Variants in XPR1 observed in about 807,000 individuals in gnomAD.
XPR1 encodes the protein xenotropic and polytropic retrovirus receptor 1, also known as solute carrier family 53 member 1.
XPR1 carries 28 observed loss-of-function variants against 87.5 expected under a neutral mutation model. The ratio of observed to expected loss-of-function variants is 0.32; its 90% CI spans 0.24 to 0.44. XPR1 has a LOEUF of 0.44. XPR1 is among the 20% of genes least tolerant of loss of function. XPR1 has a pLI of 1.00. For synonymous variants in XPR1, 300 were observed against 306.1 expected (o/e 0.98, Z 0.21); for missense variants, 559 against 862.3 (o/e 0.65, Z 4.41).
intron 2 of XPR1, among the ~76,000 whole-genome samples, chr1:180,732,699 G>T (rs1302737844): frequency 6.6e-6 from 1 of 152,224 alleles, no homozygotes; most frequent in Non-Finnish European, 1.5e-5. Flanking sequence ...TGAAGCCCCA[G>T]TGGGCATGTG....
At chr1:180,688,699 C>T (rs967241536) in intron 2 of XPR1, among the ~76,000 whole-genome samples, 2 of 152,048 alleles carry the variant, frequency 1.3e-5, no homozygotes, top group Admixed American at 6.6e-5. Context: ...ACATATAGTA[C>T]CCGTTTGACA....
At chr1:180,811,115 C>T (rs188117196) in intron 6 of XPR1, among the ~76,000 whole-genome samples, 36 of 152,054 alleles carry the variant, frequency 2.4e-4, no homozygotes, top group African/African-American at 5.8e-4. Flanking sequence ...TTTCAATACA[C>T]GGTTGATTCC....
At chr1:180,809,356 T>C (rs899333625) in intron 6 of XPR1, among the ~76,000 whole-genome samples, 1 of 152,186 alleles carries the variant, frequency 6.6e-6, no homozygotes, top group African/African-American at 2.4e-5. Context: ...GATGGTTTTG[T>C]AGACGTTTAT....
Position 180,729,294 on chromosome 1 carries a change from G to T in XPR1, c.121+46883G>T, listed in dbSNP as rs1013735711. 3.9e-5 allele frequency among the ~76,000 whole-genome samples: 6 copies of T among 152,088 alleles called. No individual in the cohort carries two copies. In the East Asian group the frequency reaches 1.2e-3, roughly 29 times the overall value. On this transcript the variant is annotated intron_variant, in intron 2 of 14. Transcript: ENST00000367590. ...TCTTCGCTGTTGTGAATAGTACTGC[G>T]ATTAACATATGTGTGCATTTGTCTT...
chr1:180,815,879 T>C (rs1191832472), intron 7 of XPR1, among the ~76,000 whole-genome samples: 1 of 152,188 alleles, frequency 6.6e-6, no homozygotes, highest in Non-Finnish European at 1.5e-5. Flanking sequence ...GGCAAAATTA[T>C]GTTGATTAAG....
chr1:180,817,266 A>AG (rs1437796259), intron 7 of XPR1, among the ~76,000 whole-genome samples: 1 of 152,188 alleles, frequency 6.6e-6, no homozygotes, highest in East Asian at 1.9e-4. Flanking sequence ...AAAAAGTTAC[A>AG]GTGAGCTAAG....
chr1:180,802,857 T>TAGAGA (rs1263723723), intron 3 of XPR1, among the ~76,000 whole-genome samples: 11 of 152,252 alleles, frequency 7.2e-5, no homozygotes, highest in Non-Finnish European at 1.5e-4. Context: ...TAGCACTTCA[T>TAGAGA]TCTTTTTTAG....
In XPR1 at chr1:180,857,035, T is replaced by C. The variant is rs562911790; in HGVS notation, c.1502-6673T>C. ...TGAAGGATATCAATTTTATTTTGAC[T>C]ATATATTAAATGTAAAAGTGATAAC... On this transcript the variant is annotated intron_variant, in intron 11 of 14. Transcript: ENST00000367590. 5.3e-5 allele frequency among the ~76,000 whole-genome samples: 8 copies of C among 152,380 alleles called. No homozygotes were observed. The South Asian group carries it at 1.7e-3, about 32-fold the overall frequency.
chr1:180,798,788 AATCTTGGTAGAG>A (rs1465148814), intron 3 of XPR1, among the ~76,000 whole-genome samples: 5 of 151,988 alleles, frequency 3.3e-5, no homozygotes, highest in Non-Finnish European at 7.4e-5. Flanking sequence ...TAATTTTTGT[AATCTTGGTAGAG>A]ATCTGATTTT....
chr1:180,792,939 T>C (rs1046142549), intron 3 of XPR1, among the ~76,000 whole-genome samples: 17 of 152,180 alleles, frequency 1.1e-4, no homozygotes, highest in African/African-American at 4.1e-4. Context: ...TTGCTTCTAA[T>C]ATTTCACAAA....
intron 1 of XPR1, among the ~76,000 whole-genome samples, chr1:180,636,741 A>G (rs1047130743): frequency 1.3e-5 from 2 of 152,154 alleles, no homozygotes; most frequent in Non-Finnish European, 2.9e-5. Context: ...CCATGGAGTA[A>G]AGAGAAGACA....
chr1:180,726,985 C>T (rs1658376040), intron 2 of XPR1, among the ~76,000 whole-genome samples: 2 of 151,954 alleles, frequency 1.3e-5, no homozygotes, highest in Admixed American at 6.5e-5. Context: ...CGCCGTTCTC[C>T]TGCCTCAGCC....
chr1:180,675,768 A>C (rs537377671), intron 1 of XPR1, among the ~76,000 whole-genome samples: 1 of 152,204 alleles, frequency 6.6e-6, no homozygotes, highest in Non-Finnish European at 1.5e-5. Context: ...CTCCCAACCC[A>C]GGCATGTGGT....
chr1:180,641,541 G>A (rs963449959), intron 1 of XPR1, among the ~76,000 whole-genome samples: 2 of 152,112 alleles, frequency 1.3e-5, no homozygotes, highest in African/African-American at 4.8e-5. Flanking sequence ...CTTGTAACTT[G>A]TGTTCATCTC....
At chr1:180,846,040 A>G (rs1244224209) in intron 11 of XPR1, among the ~76,000 whole-genome samples, 1 of 152,064 alleles carries the variant, frequency 6.6e-6, no homozygotes, top group African/African-American at 2.4e-5. Flanking sequence ...CAGGCAGATT[A>G]CCTGAGGTTG....
At chr1:180,820,387 T>G (rs1571868035) in intron 7 of XPR1, among the ~76,000 whole-genome samples, 1 of 152,236 alleles carries the variant, frequency 6.6e-6, no homozygotes, top group East Asian at 1.9e-4. Flanking sequence ...TGTGGTATTT[T>G]GTGTTTGGCT....
intron 7 of XPR1, among the ~76,000 whole-genome samples, chr1:180,821,578 G>A (rs1197289470): frequency 1.3e-5 from 2 of 151,892 alleles, no homozygotes; most frequent in African/African-American, 4.8e-5. Context: ...TTTCAGTTCT[G>A]AAAAAAAGCC....
intron 2 of XPR1, among the ~76,000 whole-genome samples, chr1:180,762,736 T>C (rs1648095980): frequency 6.6e-6 from 1 of 152,204 alleles, no homozygotes; most frequent in East Asian, 1.9e-4. Context: ...TGTTTGGTGT[T>C]ATTGCCCCAG....
intron 7 of XPR1, among the ~76,000 whole-genome samples, chr1:180,823,388 T>A (rs1650710408): frequency 6.6e-6 from 1 of 152,182 alleles, no homozygotes; most frequent in African/African-American, 2.4e-5. Flanking sequence ...ATTCAGTGAA[T>A]TTATGAACAG....
Sources: allele counts gnomAD v4.1 joint callset (sites outside exome capture counted in the v4.1 genomes callset), GRCh38; gene constraint gnomAD v4.1.1; transcripts MANE v1.5; gene names NCBI Gene and HGNC (gene_info 2026-07-23, HGNC 2026-07-21).